The following TLN2 variants were observed in gnomAD, a reference collection of about 807,000 sequenced individuals.
TLN2 encodes the protein talin-2.
Under a neutral mutation model 294.7 loss-of-function variants are expected in TLN2, and 118 were observed. The ratio of observed to expected loss-of-function variants is 0.40; its 90% CI spans 0.34 to 0.47. TLN2 has a LOEUF of 0.47. Among genes scored for constraint, TLN2 ranks in the 20% least tolerant of loss-of-function variants. The pLI is 0.84. For synonymous variants in TLN2, 1,431 were observed against 1,304.5 expected (o/e 1.10, Z -2.09); for missense variants, 3,083 against 3,282.2 (o/e 0.94, Z 1.48).
chr15:62,763,306 G>T (rs559722392), intron 39 of TLN2: 6 of 291,388 alleles, frequency 2.1e-5, no homozygotes, highest in African/African-American at 1.3e-4. Context: ...CTTTGCAGTT[G>T]CCTGGTATCA....
chr15:62,718,096 A>T (rs1203867780), intron 24 of TLN2, among the ~76,000 whole-genome samples: 1 of 152,138 alleles, frequency 6.6e-6, no homozygotes. Context: ...CACCTCAAGG[A>T]TTTATTTCAT....
intron 14 of TLN2, among the ~76,000 whole-genome samples, chr15:62,695,127 A>G (rs1234578408): frequency 2.6e-5 from 4 of 152,168 alleles, no homozygotes. Context: ...AGATGAGGAG[A>G]TAGGTTTATT....
intron 45 of TLN2, among the ~76,000 whole-genome samples, chr15:62,786,944 A>G (rs980722505): frequency 2.0e-5 from 3 of 152,188 alleles, no homozygotes; most frequent in African/African-American, 7.2e-5. Flanking sequence ...TCTGTTGCCC[A>G]GGCTGGAGTA....
chr15:62,516,452 A>G (rs1470093597), intron 1 of TLN2, among the ~76,000 whole-genome samples: 1 of 152,136 alleles, frequency 6.6e-6, no homozygotes, highest in Non-Finnish European at 1.5e-5. Flanking sequence ...AGAATTCTAC[A>G]TTTTACTCTA....
intron 2 of TLN2, among the ~76,000 whole-genome samples, chr15:62,609,821 G>T (rs188907744): frequency 9.5e-4 from 145 of 152,200 alleles, no homozygotes; most frequent in African/African-American, 3.3e-3. Flanking sequence ...CCCATCCCTC[G>T]TGAAAATTTC....
intron 16 of TLN2, 132 bp downstream of exon 16, chr15:62,698,999 ATT>A (rs1383680714): frequency 2.3e-6 from 2 of 881,130 alleles, no homozygotes; most frequent in Non-Finnish European, 3.5e-6. Flanking sequence ...TTTTCAGGAT[ATT>A]GAGTCTTTGC....
At chr15:62,653,663 G>A (rs2052864292) in intron 7 of TLN2, among the ~76,000 whole-genome samples, 1 of 151,930 alleles carries the variant, frequency 6.6e-6, no homozygotes, top group African/African-American at 2.4e-5. Context: ...GGAGGTGGAG[G>A]TTGCAGTGAG....
chr15:62,801,565 C>A (rs1269073928), intron 50 of TLN2, among the ~76,000 whole-genome samples: 1 of 152,174 alleles, frequency 6.6e-6, no homozygotes, highest in Non-Finnish European at 1.5e-5. Context: ...CGACCTAGAG[C>A]ACTAGAAACA....
At position 62,491,349 on chromosome 15, in the gene TLN2, TATACACACACACACACACAC is replaced by T. The variant is rs2038708461; in HGVS notation, c.-237-98336_-237-98317del. Among the ~76,000 whole-genome samples the T allele has an allele frequency of 1.8e-4, 15 of 84,568 alleles. No individual in the cohort carries two copies. The East Asian group carries it at 2.8e-3, about 16-fold the overall frequency. 55.5% of individuals were successfully genotyped at this position (84,568 alleles called of 152,430 possible). ...CTCAAAAAAAAAAAATATATATATA[TATACACACACACACACACAC>T]ACACACACACACACACACACACACA... is the stretch of plus-strand genomic sequence containing the variant. On this transcript the variant is annotated intron_variant, in intron 1 of 58. Transcript: ENST00000636159.
chr15:62,572,678 G>A (rs543094141), intron 1 of TLN2, among the ~76,000 whole-genome samples: 1 of 152,350 alleles, frequency 6.6e-6, no homozygotes, highest in East Asian at 1.9e-4. Context: ...AGTCCGGATC[G>A]ATGCTTCCTG....
intron 2 of TLN2, among the ~76,000 whole-genome samples, chr15:62,607,613 A>G (rs1396431812): frequency 6.6e-6 from 1 of 152,186 alleles, no homozygotes; most frequent in Non-Finnish European, 1.5e-5. Flanking sequence ...TCAAACTGTC[A>G]TGTACCAAGT....
intron 4 of TLN2, among the ~76,000 whole-genome samples, chr15:62,649,124 G>A (rs1414369024): frequency 6.6e-6 from 1 of 152,210 alleles, no homozygotes; most frequent in East Asian, 1.9e-4. Flanking sequence ...TTACAGGCGT[G>A]AGCAACTGCG....
chr15:62,586,049 A>G (rs1256199887), intron 1 of TLN2, among the ~76,000 whole-genome samples: 1 of 152,236 alleles, frequency 6.6e-6, no homozygotes, highest in Admixed American at 6.5e-5. Flanking sequence ...ACCAAGCCGG[A>G]TGACTAGTAA....
intron 1 of TLN2, among the ~76,000 whole-genome samples, chr15:62,427,735 A>G (rs1239142439): frequency 1.3e-5 from 2 of 152,140 alleles, no homozygotes; most frequent in Non-Finnish European, 2.9e-5. Flanking sequence ...CTCCCTGGCC[A>G]TGCCATGCAG....
intron 44 of TLN2, among the ~76,000 whole-genome samples, chr15:62,782,651 G>T (rs559452641): frequency 1.4e-4 from 22 of 152,318 alleles, no homozygotes; most frequent in African/African-American, 4.6e-4. Context: ...TTGGCAGGTC[G>T]CAGTGGAGCA....
At chr15:62,832,857 C>T (rs563466531) in intron 54 of TLN2, 6 of 151,104 alleles carry the variant, frequency 4.0e-5, no homozygotes, top group African/African-American at 1.5e-4. Flanking sequence ...TTTTTAAAGT[C>T]CATTTTTGAG....
At chr15:62,503,011 C>A (rs2039388907) in intron 1 of TLN2, among the ~76,000 whole-genome samples, 1 of 152,136 alleles carries the variant, frequency 6.6e-6, no homozygotes, top group African/African-American at 2.4e-5. Context: ...GCTTTATTAG[C>A]CACCCCCTCT....
At chr15:62,601,892 T>C (rs534761755) in intron 2 of TLN2, among the ~76,000 whole-genome samples, 26 of 152,334 alleles carry the variant, frequency 1.7e-4, no homozygotes, top group African/African-American at 6.0e-4. Context: ...GATTGTCCCA[T>C]ATTTGGCCAG....
At chr15:62,531,828 G>A (rs1278370854) in intron 1 of TLN2, among the ~76,000 whole-genome samples, 1 of 152,038 alleles carries the variant, frequency 6.6e-6, no homozygotes, top group Admixed American at 6.6e-5. Flanking sequence ...CTATGGATTT[G>A]ATGTTCATCC....
Sources: gnomAD v4.1 joint callset for allele counts (sites outside exome capture counted in the v4.1 genomes callset) on GRCh38, gnomAD v4.1.1 for gene constraint, MANE v1.5 for transcripts, NCBI Gene and HGNC (gene_info 2026-07-23, HGNC 2026-07-21) for gene names.